Variants in SMIM36 observed in about 807,000 individuals in gnomAD.
The protein encoded by SMIM36 is small integral membrane protein 36.
intron 4 of SMIM36, among the ~76,000 whole-genome samples, chr17:55,462,535 A>G (rs1421887671): frequency 3.3e-5 from 5 of 152,208 alleles, no homozygotes; most frequent in South Asian, 2.1e-4. Flanking sequence ...GAGCCTAGGA[A>G]TTTGAAGTTG....
At chr17:55,473,670 A>T (rs920838999) in intron 3 of SMIM36, among the ~76,000 whole-genome samples, 1 of 152,182 alleles carries the variant, frequency 6.6e-6, no homozygotes, top group East Asian at 1.9e-4. Flanking sequence ...AGGATTGGAC[A>T]GTACTTTTAC....
intron 4 of SMIM36, chr17:55,458,105 TA>T (rs1288759648): frequency 2.6e-5 from 4 of 152,200 alleles, no homozygotes; most frequent in African/African-American, 9.6e-5. Context: ...TTTGGGGGTA[TA>T]AATTCTGTAT....
chr17:55,477,574 C>T (rs1031379524), intron 3 of SMIM36, among the ~76,000 whole-genome samples: 1 of 152,174 alleles, frequency 6.6e-6, no homozygotes, highest in Non-Finnish European at 1.5e-5. Flanking sequence ...AGGCCCCATT[C>T]TGTGTACTGG....
the SMIM36 span, among the ~76,000 whole-genome samples, chr17:55,531,594 T>G: frequency 6.6e-6 from 1 of 152,202 alleles, no homozygotes; most frequent in South Asian, 2.1e-4. Flanking sequence ...GGTGGACATG[T>G]TTTTATGTAT....
intron 3 of SMIM36, among the ~76,000 whole-genome samples, chr17:55,469,621 G>A (rs988816849): frequency 2.0e-5 from 3 of 152,174 alleles, no homozygotes; most frequent in Admixed American, 2.0e-4. Context: ...AAGCAACAAT[G>A]TATTTCTGAG....
intron 4 of SMIM36, among the ~76,000 whole-genome samples, chr17:55,465,876 T>C (rs1263377617): frequency 6.6e-6 from 1 of 152,178 alleles, no homozygotes; most frequent in Non-Finnish European, 1.5e-5. Context: ...AGTCTCTGCA[T>C]AGGTGATTTA....
chr17:55,524,578 A>C, the SMIM36 span, among the ~76,000 whole-genome samples: 1 of 152,070 alleles, frequency 6.6e-6, no homozygotes, highest in East Asian at 1.9e-4. Flanking sequence ...CCTGGCCAGC[A>C]TCTGTTATTT....
chr17:55,489,368 C>G (rs1168800386), intron 1 of SMIM36, among the ~76,000 whole-genome samples: 1 of 132,704 alleles, frequency 7.5e-6, no homozygotes, highest in Non-Finnish European at 1.6e-5. Context: ...GAACAAAACC[C>G]TGTCTCCAAA....
the SMIM36 span, among the ~76,000 whole-genome samples, chr17:55,518,550 G>C: frequency 6.6e-6 from 1 of 152,308 alleles, no homozygotes; most frequent in South Asian, 2.1e-4. Context: ...GGTTTTCATA[G>C]GGTGGGATGA....
intron 3 of SMIM36, among the ~76,000 whole-genome samples, chr17:55,474,304 C>T (rs1909390998): frequency 6.6e-6 from 1 of 152,202 alleles, no homozygotes; most frequent in African/African-American, 2.4e-5. Context: ...GTGGCTTAGG[C>T]CTGTCCTGTG....
At chr17:55,522,619 A>G in the SMIM36 span, among the ~76,000 whole-genome samples, 1 of 152,198 alleles carries the variant, frequency 6.6e-6, no homozygotes, top group African/African-American at 2.4e-5. Flanking sequence ...CTGTGATTCA[A>G]TTATCTCCAC....
chr17:55,492,248 T>TCTTTC (rs565923747), intron 1 of SMIM36, among the ~76,000 whole-genome samples: 6 of 135,188 alleles, frequency 4.4e-5, no homozygotes, highest in East Asian at 2.2e-4. Context: ...CTTTCTTTTT[T>TCTTTC]TTTTTTTTTT....
chr17:55,454,238 G>T (rs1908976604), intron 4 of SMIM36, among the ~76,000 whole-genome samples: 1 of 152,142 alleles, frequency 6.6e-6, no homozygotes, highest in Admixed American at 6.5e-5. Flanking sequence ...AGAGATAAAT[G>T]AAGCCCCCAA....
At chr17:55,480,488 A>G (rs1909500603) in intron 1 of SMIM36, among the ~76,000 whole-genome samples, 1 of 152,178 alleles carries the variant, frequency 6.6e-6, no homozygotes, top group Non-Finnish European at 1.5e-5. Flanking sequence ...CCAAGCATCC[A>G]TATTCTAAAC....
intron 1 of SMIM36, among the ~76,000 whole-genome samples, chr17:55,501,401 T>TTATCTATTATAGAATATAATATATTATA (rs1462289068): frequency 6.1e-4 from 11 of 18,166 alleles, no homozygotes; most frequent in African/African-American, 3.6e-3. Flanking sequence ...ATATTATATA[T>TTATCTATTATAGAATATAATATATTATA]TATTATATAT....
chr17:55,524,184 T>C, the SMIM36 span, among the ~76,000 whole-genome samples: 1 of 152,222 alleles, frequency 6.6e-6, no homozygotes, highest in Non-Finnish European at 1.5e-5. Flanking sequence ...TTTGGTTTTC[T>C]GTTTCTGCGT....
chr17:55,456,573 GC>G (rs1909028221), intron 4 of SMIM36, among the ~76,000 whole-genome samples: 1 of 152,158 alleles, frequency 6.6e-6, no homozygotes, highest in Non-Finnish European at 1.5e-5. Flanking sequence ...AAAGCCCTGA[GC>G]CCTAATTTTC....
At chr17:55,452,158 C>A (rs1346780074) in intron 4 of SMIM36, among the ~76,000 whole-genome samples, 2 of 150,822 alleles carry the variant, frequency 1.3e-5, no homozygotes, top group African/African-American at 2.4e-5. Context: ...CATATTTGAC[C>A]CACATATGGT....
At chr17:55,476,135 C>A (rs1030130751) in intron 3 of SMIM36, among the ~76,000 whole-genome samples, 1 of 152,228 alleles carries the variant, frequency 6.6e-6, no homozygotes, top group African/African-American at 2.4e-5. Flanking sequence ...TGCATGTATA[C>A]ATCCAGATGG....
Sources: gnomAD v4.1 joint callset for allele counts (sites outside exome capture counted in the v4.1 genomes callset) on GRCh38, gnomAD v4.1.1 for gene constraint, MANE v1.5 for transcripts, NCBI Gene and HGNC (gene_info 2026-07-23, HGNC 2026-07-21) for gene names.